PDE1C: variants seen among roughly 807,000 people sequenced by gnomAD.
PDE1C encodes the protein dual specificity calcium/calmodulin-dependent 3',5'-cyclic nucleotide phosphodiesterase 1C.
Under a neutral mutation model 93.1 loss-of-function variants are expected in PDE1C, and 62 were observed. The ratio of observed to expected loss-of-function variants is 0.67; its 90% CI spans 0.54 to 0.82. The LOEUF is 0.82. Ranked by LOEUF, PDE1C falls within the 40% of genes least tolerant of loss-of-function variation. The pLI, the probability that PDE1C is intolerant of heterozygous loss-of-function variation, is 0.00. For synonymous variants in PDE1C, 325 were observed against 310.1 expected (o/e 1.05, Z -0.50); for missense variants, 742 against 884.6 (o/e 0.84, Z 2.04).
chr7:32,206,710 T>C (rs1276129228), intron 2 of PDE1C, among the ~76,000 whole-genome samples: 1 of 152,178 alleles, frequency 6.6e-6, no homozygotes, highest in Admixed American at 6.5e-5. Context: ...CCACATGAGG[T>C]ATTCTTCTAG....
the PDE1C span, among the ~76,000 whole-genome samples, chr7:31,633,484 TAGAG>T: frequency 2.6e-5 from 4 of 152,288 alleles, no homozygotes; most frequent in East Asian, 7.7e-4. Flanking sequence ...CTGGGGAACA[TAGAG>T]AGGTTTTGTT....
chr7:32,291,377 T>C (rs1237011763), intron 1 of PDE1C, among the ~76,000 whole-genome samples: 1 of 152,250 alleles, frequency 6.6e-6, no homozygotes, highest in African/African-American at 2.4e-5. Context: ...TATAGCAGCA[T>C]GAATTGAAGC....
In PDE1C at chr7:31,854,868, A is replaced by G. The variant is rs186008485; in HGVS notation, c.751-4127T>C. Among the ~76,000 whole-genome samples the G allele has an allele frequency of 1.5e-3, 233 of 152,216 alleles. 3 individuals are homozygous for G. Among genetic ancestry groups the G allele is most frequent in the Non-Finnish European group, 2.1e-4 (14 of 68,028 alleles). On this transcript the variant is annotated intron_variant, in intron 7 of 17. Transcript: ENST00000396191. ...GATCACCTGAGGTCAGGAGTTCAAG[A>G]CCAGACTGGCAAACATTGTGAAACC...
chr7:31,864,002 A>G (rs1794982173), intron 7 of PDE1C, among the ~76,000 whole-genome samples: 1 of 152,210 alleles, frequency 6.6e-6, no homozygotes, highest in Non-Finnish European at 1.5e-5. Flanking sequence ...TGTGCCCTGG[A>G]TTTATGGGAT....
intron 2 of PDE1C, among the ~76,000 whole-genome samples, chr7:32,043,779 T>C (rs189659013): frequency 2.6e-5 from 4 of 152,222 alleles, no homozygotes; most frequent in Non-Finnish European, 5.9e-5. Context: ...TAAGCAATTA[T>C]GTACTTACTG....
chr7:31,694,368 GCTCT>G, the PDE1C span, among the ~76,000 whole-genome samples: 13,450 of 119,388 alleles, frequency 0.11, 703 homozygotes, highest in East Asian at 0.33. Context: ...AACAATTTTA[GCTCT>G]CTCTCTCTCT....
At chr7:32,194,690 C>G (rs1804489678) in intron 2 of PDE1C, among the ~76,000 whole-genome samples, 2 of 152,272 alleles carry the variant, frequency 1.3e-5, no homozygotes, top group East Asian at 3.9e-4. Context: ...TTTTTAATAG[C>G]ACATAGTTGG....
At chr7:31,815,779 C>A in intron 15 of PDE1C, 145 bp downstream of exon 15, 1 of 667,570 alleles carries the variant, frequency 1.5e-6, no homozygotes, top group East Asian at 2.6e-5. Flanking sequence ...TCCTGCAGCC[C>A]AATGAGGTGG....
chr7:32,014,243 G>C (rs1228864159), intron 2 of PDE1C, among the ~76,000 whole-genome samples: 2 of 152,094 alleles, frequency 1.3e-5, no homozygotes, highest in Non-Finnish European at 2.9e-5. Context: ...CATGCCAAAG[G>C]TATTAAATGT....
At chr7:32,031,005 CA>C (rs1035210940) in intron 2 of PDE1C, among the ~76,000 whole-genome samples, 5 of 152,142 alleles carry the variant, frequency 3.3e-5, no homozygotes, top group African/African-American at 1.2e-4. Flanking sequence ...TAACTGATAA[CA>C]ACATGAAACA....
chr7:32,138,530 G>C (rs541063171), intron 3 of PDE1C, among the ~76,000 whole-genome samples: 1 of 152,062 alleles, frequency 6.6e-6, no homozygotes, highest in Non-Finnish European at 1.5e-5. Context: ...TCATCTGGCC[G>C]TAATGAAGGT....
chr7:31,904,322 C>G (rs1800325272), intron 2 of PDE1C, among the ~76,000 whole-genome samples: 1 of 151,782 alleles, frequency 6.6e-6, no homozygotes, highest in South Asian at 2.1e-4. Flanking sequence ...AGAGACACTG[C>G]TATTATAACA....
chr7:31,642,492 C>G, the PDE1C span, among the ~76,000 whole-genome samples: 1 of 152,166 alleles, frequency 6.6e-6, no homozygotes, highest in Non-Finnish European at 1.5e-5. Flanking sequence ...TTCCTTTTGA[C>G]TTTTCTAAGC....
At chr7:32,298,847 C>CGCGCT (rs932993503) in exon 1 of PDE1C, 36 of 1,419,008 alleles carry the variant, frequency 2.5e-5, no homozygotes, top group Middle Eastern at 2.6e-4. Context: ...CCGGCCGCGC[C>CGCGCT]GCGCTGTCAC....
intron 1 of PDE1C, among the ~76,000 whole-genome samples, chr7:32,056,368 AACACACAC>A (rs375602478): frequency 1.7e-3 from 197 of 119,286 alleles, no homozygotes; most frequent in Non-Finnish European, 1.9e-3. Flanking sequence ...CTCTCACTGA[AACACACAC>A]ACACACACAC....
In PDE1C at chr7:32,140,462, TAA is replaced by T. The variant is rs1800452202; in HGVS notation, c.308+29321_308+29322del. 3.9e-5 allele frequency among the ~76,000 whole-genome samples: 6 copies of T among 152,346 alleles called. 1 individual carries two copies. The South Asian group carries it at 1.2e-3, about 32-fold the overall frequency. On this transcript the variant is annotated intron_variant, in intron 3 of 18. Transcript: ENST00000396193. ...CATCTGTGGATTCTCACGTGTAGAA[TAA>T]AGTGATCTGCCTAGATGATCTCATC...
intron 1 of PDE1C, among the ~76,000 whole-genome samples, chr7:32,224,079 G>A (rs1807074701): frequency 6.6e-6 from 1 of 152,178 alleles, no homozygotes; most frequent in African/African-American, 2.4e-5. Context: ...GGAATGTAAA[G>A]ATGGCAGGCT....
At chr7:32,202,495 G>A (rs978704178) in intron 2 of PDE1C, among the ~76,000 whole-genome samples, 1 of 152,204 alleles carries the variant, frequency 6.6e-6, no homozygotes, top group African/African-American at 2.4e-5. Context: ...CACTGGACTG[G>A]ATCATTTGTA....
intron 3 of PDE1C, among the ~76,000 whole-genome samples, chr7:32,147,272 A>AAAAGAAAGAAAGAAACAAAGAAAG (rs1800920051): frequency 2.1e-5 from 2 of 96,610 alleles, no homozygotes; most frequent in African/African-American, 3.8e-5. Context: ...AAGAAAGAAA[A>AAAAGAAAGAAAGAAACAAAGAAAG]AAAGAAAGAA....
Sources: gnomAD v4.1 joint callset for allele counts (sites outside exome capture counted in the v4.1 genomes callset) on GRCh38, gnomAD v4.1.1 for gene constraint, MANE v1.5 for transcripts, NCBI Gene and HGNC (gene_info 2026-07-23, HGNC 2026-07-21) for gene names.